STOX2: variants seen among roughly 807,000 people sequenced by gnomAD.
STOX2 encodes storkhead-box protein 2.
In STOX2, 28 loss-of-function variants were observed where a neutral mutation model predicts 60.9. The ratio of observed to expected loss-of-function variants is 0.46; its 90% confidence interval spans 0.34 to 0.63. The LOEUF (loss-of-function observed/expected upper bound fraction) is 0.63, where lower values mean the gene tolerates loss of function less well. Ranked by LOEUF, STOX2 falls within the 30% of genes least tolerant of loss-of-function variation. STOX2 has a pLI of 0.01. For synonymous variants in STOX2, 472 were observed against 463.9 expected (o/e 1.02, Z -0.22); for missense variants, 1,024 against 1,187.7 (o/e 0.86, Z 2.03).
chr4:183,919,332 G>A (rs1020710230), intron 1 of STOX2, among the ~76,000 whole-genome samples: 1 of 152,208 alleles, frequency 6.6e-6, no homozygotes, highest in East Asian at 1.9e-4. Context: ...TGCTTGCAAG[G>A]CTTCCTCTCC....
intron 1 of STOX2, among the ~76,000 whole-genome samples, chr4:183,931,917 T>C (rs1489593622): frequency 6.6e-6 from 1 of 152,038 alleles, no homozygotes. Context: ...AAAATTTGCA[T>C]TGTGGAAGGC....
intron 2 of STOX2, among the ~76,000 whole-genome samples, chr4:184,003,948 A>G (rs1237875093): frequency 6.8e-6 from 1 of 147,602 alleles, no homozygotes; most frequent in Non-Finnish European, 1.5e-5. Context: ...CCTTCCTTTG[A>G]TTTTTTTTTT....
At chr4:183,901,963 T>C (rs189590375), upstream of STOX2, among the ~76,000 whole-genome samples, 18 of 152,350 alleles carry the variant, frequency 1.2e-4, no homozygotes, top group African/African-American at 3.6e-4. Flanking sequence ...GTTTTTTCTT[T>C]TGTGGCTTGT....
intron 1 of STOX2, among the ~76,000 whole-genome samples, chr4:183,944,120 G>A (rs1445502080): frequency 6.6e-6 from 1 of 152,196 alleles, no homozygotes; most frequent in Non-Finnish European, 1.5e-5. Flanking sequence ...TTCTTCCTAG[G>A]AAGTTGGGGA....
intron 1 of STOX2, among the ~76,000 whole-genome samples, chr4:183,980,621 A>G (rs1417432958): frequency 2.0e-5 from 3 of 151,844 alleles, no homozygotes; most frequent in Non-Finnish European, 2.9e-5. Flanking sequence ...TGTGATGAGA[A>G]TGTTTGGCCA....
chr4:183,916,732 G>C (rs1741941044), intron 1 of STOX2, among the ~76,000 whole-genome samples: 1 of 152,202 alleles, frequency 6.6e-6, no homozygotes. Flanking sequence ...TCAAAGTATT[G>C]ATATAAAGAG....
intron 1 of STOX2, among the ~76,000 whole-genome samples, chr4:183,974,605 G>C (rs952496220): frequency 1.3e-5 from 2 of 151,934 alleles, no homozygotes; most frequent in Non-Finnish European, 2.9e-5. Flanking sequence ...AAAATTACCA[G>C]GGATAAAGAA....
upstream of STOX2, among the ~76,000 whole-genome samples, chr4:183,902,256 AT>A (rs201611169): frequency 8.0e-3 from 1,214 of 152,332 alleles, 20 homozygotes; most frequent in African/African-American, 0.028. Flanking sequence ...AAAGTTTTAA[AT>A]GAAGAGGATT....
intron 1 of STOX2, among the ~76,000 whole-genome samples, chr4:183,823,363 T>A: frequency 6.6e-6 from 1 of 152,144 alleles, no homozygotes; most frequent in East Asian, 1.9e-4. Context: ...GCCACTGCAC[T>A]CCAGCCTGGG....
At chr4:183,808,060 A>C (rs1738948906) in intron 1 of STOX2, among the ~76,000 whole-genome samples, 1 of 152,224 alleles carries the variant, frequency 6.6e-6, no homozygotes, top group African/African-American at 2.4e-5. Flanking sequence ...GGTGAAAAGA[A>C]CTGTCCAGTC....
At position 184,009,154 on chromosome 4, in the gene STOX2, TCAGGTG is replaced by T; in HGVS notation, c.320-3_322del. ...ACAAGTGGTTTTTTTTTTTTTTTTT[TCAGGTG>T]TTCCAACGCCAAGCCAAGAAATTCT... is the stretch of plus-strand genomic sequence containing the variant. On this transcript the variant is annotated splice_acceptor_variant and splice_polypyrimidine_tract_variant and coding_sequence_variant and intron_variant, in exon 3 of 4. Transcript: ENST00000308497. LOFTEE classifies it high-confidence loss of function. The surrounding 1 kb of genome is among the most constrained non-coding windows in gnomAD (Gnocchi z 4.0). The T allele has an allele frequency of 2.5e-5, 37 of 1,470,526 alleles. No individual in the cohort carries two copies. In the Admixed American group the frequency reaches 7.0e-4, roughly 28 times the overall value. 91.1% of individuals were successfully genotyped at this position (1,470,526 alleles called of 1,614,324 possible).
At position 183,856,738 on chromosome 4, in the gene STOX2, G is replaced by A. The variant is rs546177452; in HGVS notation, c.364+58683G>A. Reference sequence around the variant, plus strand: ...TGTTACAGAAGAAGGGAAGGGAGATGTGAAAGTGCTACTTTAAAAATAGTC... The same window carrying A: ...TGTTACAGAAGAAGGGAAGGGAGATATGAAAGTGCTACTTTAAAAATAGTC... On this transcript the variant is annotated intron_variant, in intron 1 of 2. Transcript: ENST00000513034. This position sits in a 1 kb window ranked among gnomAD's most constrained non-coding sequence, Gnocchi z 4.0. Among the ~76,000 whole-genome samples the A allele has an allele frequency of 2.6e-5, 4 of 152,346 alleles. No homozygotes were observed. The highest frequency in any genetic ancestry group is 1.3e-4 in the Admixed American group (2 of 15,308).
At chr4:183,970,828 T>TA (rs1192690521) in intron 1 of STOX2, among the ~76,000 whole-genome samples, 1 of 152,240 alleles carries the variant, frequency 6.6e-6, no homozygotes, top group Non-Finnish European at 1.5e-5. Flanking sequence ...TTTCACTCTC[T>TA]AATTGAGTAG....
intron 1 of STOX2, among the ~76,000 whole-genome samples, chr4:183,866,687 T>C (rs1255885991): frequency 1.3e-5 from 2 of 152,216 alleles, no homozygotes; most frequent in African/African-American, 2.4e-5. Flanking sequence ...CTTGTTAGTG[T>C]TTCTAAAACT....
intron 1 of STOX2, among the ~76,000 whole-genome samples, chr4:183,975,228 A>G (rs925430108): frequency 6.6e-6 from 1 of 152,086 alleles, no homozygotes; most frequent in Non-Finnish European, 1.5e-5. Flanking sequence ...CCCTCATATT[A>G]GAAAAGAAAA....
intron 1 of STOX2, among the ~76,000 whole-genome samples, chr4:183,976,435 C>T (rs1025719601): frequency 3.9e-5 from 6 of 152,130 alleles, no homozygotes; most frequent in Non-Finnish European, 8.8e-5. Context: ...ATTCAACATA[C>T]ATTCATGATG....
At chr4:183,830,846 A>G (rs1347367350) in intron 1 of STOX2, among the ~76,000 whole-genome samples, 1 of 152,182 alleles carries the variant, frequency 6.6e-6, no homozygotes, top group African/African-American at 2.4e-5. Flanking sequence ...AGACTGGGGA[A>G]GAATGCTGTG....
At chr4:183,852,548 G>GGAAAGGATGAGAGAAAGGATGAGA (rs1560846523) in intron 1 of STOX2, among the ~76,000 whole-genome samples, 37,649 of 69,956 alleles carry the variant, frequency 0.54, 10,610 homozygotes, top group Admixed American at 0.58. Context: ...AAAGGATGAG[G>GGAAAGGATGAGAGAAAGGATGAGA]GAAAGGATGA....
Position 183,838,281 on chromosome 4 carries a change from TTAAA to T in STOX2, c.364+40230_364+40233del, listed in dbSNP as rs1739764734. ...TAATTCAATACATATATTGAAATAC[TTAAA>T]TAATTCAATACATATATTGAAATAC... is the stretch of plus-strand genomic sequence containing the variant. On this transcript the variant is annotated intron_variant, in intron 1 of 2. Coordinates refer to the STOX2 transcript ENST00000513034. 3.3e-5 allele frequency among the ~76,000 whole-genome samples: 5 copies of T among 151,064 alleles called. No individual in the cohort carries two copies. In the South Asian group the frequency reaches 6.3e-4, roughly 19 times the overall value.
Sources: allele counts gnomAD v4.1 joint callset (sites outside exome capture counted in the v4.1 genomes callset), GRCh38; gene constraint gnomAD v4.1.1; non-coding constraint Gnocchi (gnomAD v3.1); transcripts MANE v1.5; gene names NCBI Gene and HGNC (gene_info 2026-07-23, HGNC 2026-07-21).